Variants in NSD1 observed in about 807,000 individuals in gnomAD.
NSD1 encodes the protein nuclear receptor binding SET domain protein 1.
In NSD1, 26 loss-of-function variants were observed where a neutral mutation model predicts 242.7. That is an observed-to-expected ratio of 0.11 (90% CI 0.08 to 0.15). The LOEUF (loss-of-function observed/expected upper bound fraction) is 0.15. NSD1 is among the 10% of genes least tolerant of loss of function. The pLI, the probability that NSD1 is intolerant of heterozygous loss-of-function variation, is 1.00. For synonymous variants in NSD1, 1,106 were observed against 1,178.1 expected, an observed-to-expected ratio of 0.94 and a Z score of 1.25; for missense variants, 2,495 against 3,272.8, an observed-to-expected ratio of 0.76 and a Z score of 5.80.
intron 5 of NSD1, among the ~76,000 whole-genome samples, chr5:177,228,066 T>C (rs962648742): frequency 1.3e-5 from 2 of 152,078 alleles, no homozygotes; most frequent in African/African-American, 4.8e-5. Context: ...TTTACATATT[T>C]CTCTTACTCT....
intron 5 of NSD1, among the ~76,000 whole-genome samples, chr5:177,215,347 T>C (rs1763689834): frequency 6.6e-6 from 1 of 151,306 alleles, no homozygotes; most frequent in Non-Finnish European, 1.5e-5. Flanking sequence ...TAGCTAACTT[T>C]GTATTTTTAG....
chr5:177,226,377 A>C (rs933155975), intron 5 of NSD1, among the ~76,000 whole-genome samples: 2 of 152,188 alleles, frequency 1.3e-5, no homozygotes, highest in African/African-American at 4.8e-5. Context: ...CAATTAATGG[A>C]CATTTAGTTT....
chr5:177,204,191 G>A lies in NSD1; in HGVS notation c.1135G>A (p.Ala379Thr), dbSNP rs1161770822. 1.9e-6 allele frequency: 3 copies of A among 1,614,190 alleles called. No homozygotes were observed. Among genetic ancestry groups the A allele is most frequent in the Non-Finnish European group, 2.5e-6 (3 of 1,180,032 alleles). Residue 379 changes from alanine to threonine, a missense_variant, in exon 4 of 23, where the codon GCT (alanine) becomes ACT (threonine). Ala to Thr is a moderately conservative substitution (Grantham distance 58). Coordinates refer to ENST00000439151, the MANE Select transcript of NSD1 (RefSeq NM_022455.5). ...FGDPSERAWV[A>T]GKAIVMFEGR... The stretch of plus-strand genomic sequence containing the variant: ...AGATCCTTCTGAGAGAGCCTGGGTG[G>A]CTGGAAAAGCAATCGTCATGTTTGA...
At chr5:177,213,660 C>T (rs558433761) in intron 5 of NSD1, among the ~76,000 whole-genome samples, 10 of 152,086 alleles carry the variant, frequency 6.6e-5, no homozygotes, top group African/African-American at 1.7e-4. Context: ...TTAGTAGAGA[C>T]GGGGTTTCAC....
intron 2 of NSD1, among the ~76,000 whole-genome samples, chr5:177,184,582 G>T (rs2149812039): frequency 6.6e-6 from 1 of 151,990 alleles, no homozygotes; most frequent in Middle Eastern, 3.4e-3. Context: ...AGGCTGGTGT[G>T]CAGTGGGGCA....
intron 5 of NSD1, among the ~76,000 whole-genome samples, chr5:177,228,315 G>A (rs1196493561): frequency 2.0e-5 from 3 of 150,962 alleles, no homozygotes; most frequent in African/African-American, 7.3e-5. Context: ...AGGATGGAGG[G>A]CAGTGGCATG....
In NSD1 at chr5:177,297,947, G is replaced by A. The variant is rs1760354780; in HGVS notation, c.*2488G>A. The A allele has an allele frequency of 8.6e-6, 2 of 233,120 alleles. No homozygotes were observed. The highest frequency in any genetic ancestry group is 1.2e-4 in the East Asian group (2 of 16,592). 14.4% of individuals were successfully genotyped at this position (233,120 alleles called of 1,614,324 possible). On this transcript the variant is annotated 3_prime_UTR_variant, in exon 23 of 23. Coordinates refer to ENST00000439151, the MANE Select transcript of NSD1 (RefSeq NM_022455.5). Reference sequence around the variant, plus strand: ...GAGCAGTTCTTCATCTGAATGGATGGACATCTGGGCTTCCTTCAAGGGCCA... The same window carrying A: ...GAGCAGTTCTTCATCTGAATGGATGAACATCTGGGCTTCCTTCAAGGGCCA...
rs1236425670 is a variant in NSD1, at chr5:177,296,356, T to C, written c.*897T>C. On this transcript the variant is annotated 3_prime_UTR_variant, in exon 23 of 23. Transcript: ENST00000439151. ...GCAAGCTTCTCTTTCTTTGCTTTTGTTTCTACCTATTTTTCTCTTTGTACA... is the reference window on the plus strand; with the variant it reads ...GCAAGCTTCTCTTTCTTTGCTTTTGCTTCTACCTATTTTTCTCTTTGTACA... 4.3e-6 allele frequency: 1 copy of C among 233,316 alleles called. No individual in the cohort carries two copies. Among genetic ancestry groups the C allele is most frequent in the East Asian group, 6.0e-5 (1 of 16,606 alleles). The allele number at this position is 233,316 out of a possible 1,614,324, so 14.5% of individuals were successfully genotyped here.
At chr5:177,268,332 TG>T (rs990603437) in intron 15 of NSD1, among the ~76,000 whole-genome samples, 4 of 93,362 alleles carry the variant, frequency 4.3e-5, no homozygotes, top group Admixed American at 4.0e-4. Flanking sequence ...TGTTGTGGGG[TG>T]GGGGGTGGGG....
At chr5:177,221,274 G>A (rs114553136) in intron 5 of NSD1, among the ~76,000 whole-genome samples, 2,764 of 150,378 alleles carry the variant, frequency 0.018, 34 homozygotes, top group Non-Finnish European at 0.028. Flanking sequence ...TCCCCCTTTT[G>A]CTGTCTTTCT....
At chr5:177,218,637 G>T (rs572426585) in intron 5 of NSD1, among the ~76,000 whole-genome samples, 83 of 150,896 alleles carry the variant, frequency 5.5e-4, no homozygotes, top group African/African-American at 2.0e-3. Flanking sequence ...GCGCAATCTC[G>T]GGTCACTGCA....
At chr5:177,258,093 G>T (rs963597476) in intron 13 of NSD1, among the ~76,000 whole-genome samples, 4 of 143,232 alleles carry the variant, frequency 2.8e-5, no homozygotes, top group Non-Finnish European at 6.0e-5. Context: ...CGATTCTCCT[G>T]TCTCAGCCTC....
In NSD1 at chr5:177,257,096, C is replaced by A; in HGVS notation, c.4911C>A (p.Leu1637=). The change falls in exon 13 of 23, where the codon CTC becomes CTA. Residue 1637 remains leucine, a synonymous_variant. Coordinates refer to ENST00000439151, the MANE Select transcript of NSD1 (RefSeq NM_022455.5). ...VMQNKGFRCS[L]HICITCHAAN... Reference sequence around the variant, plus strand: ...AGAACAAGGGCTTCCGGTGCTCCCTCCACATCTGTATAACCTGTCATGCTG... The same window carrying A: ...AGAACAAGGGCTTCCGGTGCTCCCTACACATCTGTATAACCTGTCATGCTG... 1 of 1,614,140 alleles carries A rather than the reference C, an allele frequency of 6.2e-7. No individual in the cohort carries two copies. Among genetic ancestry groups the A allele is most frequent in the African/African-American group, 1.3e-5 (1 of 75,046 alleles).
chr5:177,261,254 T>G (rs1451586658), intron 14 of NSD1, among the ~76,000 whole-genome samples: 1 of 138,900 alleles, frequency 7.2e-6, no homozygotes, highest in East Asian at 2.0e-4. Context: ...TTTTTTTTTT[T>G]TTTTTTGTAG....
Position 177,294,940 on chromosome 5 carries a change from G to A in NSD1, c.7572G>A (p.Glu2524=). Residue 2524 remains glutamate, a synonymous_variant, in exon 23 of 23, where the codon GAG becomes GAA. Coordinates refer to ENST00000439151, the MANE Select transcript of NSD1 (RefSeq NM_022455.5). Reference sequence around the variant, plus strand: ...CTGGGAAAGCAGCAGCCCCTTCAGAGGACCCCTGGCAAGCTGTTAAATCAC... The same window carrying A: ...CTGGGAAAGCAGCAGCCCCTTCAGAAGACCCCTGGCAAGCTGTTAAATCAC... The part of the protein sequence containing the change: ...QTSGKAAAPS[E]DPWQAVKSLT... 4.3e-6 allele frequency: 7 copies of A among 1,614,216 alleles called. No individual in the cohort carries two copies. Among genetic ancestry groups the A allele is most frequent in the Non-Finnish European group, 5.9e-6 (7 of 1,180,038 alleles).
At chr5:177,242,274 A>T (rs928551119) in intron 8 of NSD1, among the ~76,000 whole-genome samples, 32 of 152,036 alleles carry the variant, frequency 2.1e-4, no homozygotes, top group Admixed American at 1.0e-3. Context: ...TTGCTATTTT[A>T]AAAAAAATTA....
At chr5:177,289,581 T>C (rs1273513071) in intron 21 of NSD1, among the ~76,000 whole-genome samples, 6 of 152,154 alleles carry the variant, frequency 3.9e-5, no homozygotes, top group Admixed American at 3.9e-4. Flanking sequence ...TATCTGTGTC[T>C]GTCCCTGTCT....
At chr5:177,250,500 CA>C (rs1165000635) in intron 11 of NSD1, among the ~76,000 whole-genome samples, 2 of 151,168 alleles carry the variant, frequency 1.3e-5, no homozygotes, top group African/African-American at 2.4e-5. Flanking sequence ...TTAGTTAATG[CA>C]AAAACTTTAT....
At chr5:177,161,680 C>CTTTTTTT (rs57657595) in intron 2 of NSD1, among the ~76,000 whole-genome samples, 121 of 135,144 alleles carry the variant, frequency 9.0e-4, no homozygotes, top group Middle Eastern at 3.8e-3. Context: ...TTCTTTCTTT[C>CTTTTTTT]TTTTTTTTTT....
Sources: gnomAD v4.1 joint callset for allele counts (sites outside exome capture counted in the v4.1 genomes callset) on GRCh38, gnomAD v4.1.1 for gene constraint, MANE v1.5 for transcripts, NCBI Gene and HGNC (gene_info 2026-07-23, HGNC 2026-07-21) for gene names.